Variants in DMD observed in about 807,000 individuals in gnomAD.
DMD encodes dystrophin.
DMD carries 63 observed loss-of-function variants against 330.1 expected under a neutral mutation model. The observed-to-expected ratio is 0.19, with a 90% confidence interval of 0.16 to 0.24. The LOEUF (loss-of-function observed/expected upper bound fraction) is 0.24. Among genes scored for constraint, DMD ranks in the 10% least tolerant of loss-of-function variants. DMD has a pLI of 1.00. For missense variants in DMD, 3,344 were observed against 2,684.1 expected (o/e 1.25, Z -5.43); for synonymous variants, 1,223 against 959.8 (o/e 1.27, Z -5.07).
chrX:33,308,181 C>G (rs1011960956), intron 1 of DMD, among the ~76,000 whole-genome samples: 1 of 111,784 alleles, frequency 8.9e-6, no homozygotes, highest in Non-Finnish European at 1.9e-5. Flanking sequence ...CTATGCCAGA[C>G]ATTGTTCTAA....
intron 60 of DMD, among the ~76,000 whole-genome samples, chrX:31,442,853 A>G (rs139802025): frequency 0.021 from 2,351 of 111,411 alleles, 27 homozygotes; most frequent in Non-Finnish European, 0.033. Context: ...TCACTTAGCT[A>G]TATCGCCTTG....
intron 64 of DMD, among the ~76,000 whole-genome samples, chrX:31,215,222 T>A (rs1014158210): frequency 3.7e-5 from 4 of 108,177 alleles, no homozygotes; most frequent in African/African-American, 1.3e-4. Flanking sequence ...ATTACAGGCG[T>A]GAGCCACCGA....
At chrX:33,330,019 C>T in intron 1 of DMD, among the ~76,000 whole-genome samples, 1 of 110,995 alleles carries the variant, frequency 9.0e-6, no homozygotes. Context: ...GCCTATATAT[C>T]TAAGTTACTT....
At chrX:32,228,738 G>C (rs1176483890) in intron 43 of DMD, among the ~76,000 whole-genome samples, 4 of 111,640 alleles carry the variant, frequency 3.6e-5, no homozygotes, top group African/African-American at 1.3e-4. Flanking sequence ...TATGGTGTTA[G>C]ACATCCTAGC....
chrX:31,882,715 A>G (rs976726284), intron 47 of DMD, among the ~76,000 whole-genome samples: 1 of 112,302 alleles, frequency 8.9e-6, no homozygotes, highest in East Asian at 2.8e-4. Context: ...TTGCATAATG[A>G]CTTCACATAA....
chrX:32,753,739 T>G (rs1295703809), intron 7 of DMD, among the ~76,000 whole-genome samples: 2 of 112,432 alleles, frequency 1.8e-5, no homozygotes, highest in Admixed American at 1.9e-4. Context: ...TTTAGCATTT[T>G]TAGAATATTT....
chrX:32,426,637 T>C lies in DMD; in HGVS notation c.4071+11604A>G, dbSNP rs780501118. 3.6e-5 allele frequency among the ~76,000 whole-genome samples: 4 copies of C among 111,587 alleles called. No individual in the cohort carries two copies. The East Asian group carries it at 1.1e-3, about 32-fold the overall frequency. On this transcript the variant is annotated intron_variant, in intron 29 of 78. Coordinates refer to ENST00000357033, the MANE Select transcript of DMD (RefSeq NM_004006.3). Reference sequence around the variant, plus strand: ...ATAGCCAAAGGAATACAAATTGTTCTACCACAAAGACACATGCACACATAT... The same window carrying C: ...ATAGCCAAAGGAATACAAATTGTTCCACCACAAAGACACATGCACACATAT...
At chrX:31,969,703 T>C (rs1236230087) in intron 44 of DMD, among the ~76,000 whole-genome samples, 3 of 111,796 alleles carry the variant, frequency 2.7e-5, no homozygotes, top group Non-Finnish European at 5.7e-5. Flanking sequence ...TTTTTCTACA[T>C]TCAAGCAAAA....
intron 55 of DMD, among the ~76,000 whole-genome samples, chrX:31,579,828 T>C (rs1257365967): frequency 3.6e-5 from 4 of 112,496 alleles, no homozygotes; most frequent in South Asian, 7.4e-4. Flanking sequence ...GATTATCTTA[T>C]AGTTTTGGAA....
chrX:31,638,598 T>C (rs1445095775), intron 54 of DMD, among the ~76,000 whole-genome samples: 1 of 112,707 alleles, frequency 8.9e-6, no homozygotes, highest in Admixed American at 9.4e-5. Flanking sequence ...CCAGATGAAA[T>C]GCAAATAGAC....
chrX:32,285,405 T>A (rs989573832), intron 43 of DMD, among the ~76,000 whole-genome samples: 3 of 111,830 alleles, frequency 2.7e-5, no homozygotes, highest in Non-Finnish European at 5.6e-5. Flanking sequence ...GGTGGCGATA[T>A]AAGTTTATTC....
intron 53 of DMD, among the ~76,000 whole-genome samples, chrX:31,660,452 C>T (rs760796601): frequency 1.8e-5 from 2 of 111,884 alleles, no homozygotes; most frequent in East Asian, 2.8e-4. Flanking sequence ...TTCCAAGATA[C>T]GAAAGAACAT....
At chrX:33,288,227 A>G (rs184310517) in intron 1 of DMD, among the ~76,000 whole-genome samples, 117 of 111,863 alleles carry the variant, frequency 1.0e-3, no homozygotes, top group African/African-American at 3.3e-3. Context: ...TTTACTTTCT[A>G]TAACTAGGCA....
chrX:32,627,173 G>A (rs1487108310), intron 11 of DMD, among the ~76,000 whole-genome samples: 1 of 55,668 alleles, frequency 1.8e-5, no homozygotes, highest in Non-Finnish European at 2.9e-5. Context: ...CCAGGACACA[G>A]CCATAATTTT....
intron 63 of DMD, among the ~76,000 whole-genome samples, chrX:31,255,370 G>T (rs1569505216): frequency 1.8e-5 from 2 of 111,351 alleles, no homozygotes; most frequent in African/African-American, 6.5e-5. Context: ...CATTACATTT[G>T]TAAAAATGCT....
chrX:32,407,189 A>G (rs959323340), intron 30 of DMD, among the ~76,000 whole-genome samples: 4 of 111,357 alleles, frequency 3.6e-5, no homozygotes, highest in African/African-American at 1.3e-4. Context: ...TGAACAGGCA[A>G]CCTACAGAAT....
intron 55 of DMD, among the ~76,000 whole-genome samples, chrX:31,607,864 C>A (rs1029562362): frequency 9.0e-6 from 1 of 111,570 alleles, no homozygotes; most frequent in African/African-American, 3.3e-5. Context: ...CAGAATAATC[C>A]AATTATTCAA....
intron 7 of DMD, among the ~76,000 whole-genome samples, chrX:32,703,205 T>TC (rs1248408029): frequency 9.0e-6 from 1 of 111,171 alleles, no homozygotes; most frequent in Non-Finnish European, 1.9e-5. Context: ...GACTTCTGAC[T>TC]CCCCCCGCAA....
intron 9 of DMD, among the ~76,000 whole-genome samples, chrX:32,677,603 A>T (rs1006233751): frequency 4.5e-5 from 5 of 111,819 alleles, no homozygotes; most frequent in Non-Finnish European, 9.4e-5. Context: ...AATAACTTAC[A>T]AGAAAATACC....
Sources: gnomAD v4.1 joint callset for allele counts (sites outside exome capture counted in the v4.1 genomes callset) on GRCh38, gnomAD v4.1.1 for gene constraint, MANE v1.5 for transcripts, NCBI Gene and HGNC (gene_info 2026-07-23, HGNC 2026-07-21) for gene names.